The following SORL1 variants were observed in gnomAD, a reference collection of about 807,000 sequenced individuals.
SORL1 encodes the protein sortilin-related receptor.
A neutral mutation model predicts 273.7 loss-of-function variants in SORL1; 127 were observed. That is an observed-to-expected ratio of 0.46 (90% confidence interval 0.40 to 0.54). The LOEUF is 0.54. SORL1 is among the 20% of genes least tolerant of loss of function. SORL1 has a pLI of 0.00. For synonymous variants in SORL1, 1,031 were observed against 1,067.4 expected (o/e 0.97, Z 0.66); for missense variants, 2,494 against 2,846.1 (o/e 0.88, Z 2.81).
At chr11:121,523,812 C>T (rs764513798) in intron 11 of SORL1, among the ~76,000 whole-genome samples, 3 of 152,138 alleles carry the variant, frequency 2.0e-5, no homozygotes, top group South Asian at 2.1e-4. Flanking sequence ...CGGAACAGCA[C>T]GTCGGGAGTG....
Position 121,618,979 on chromosome 11 carries a change from T to A in SORL1, c.5724+86T>A. On this transcript the variant is annotated intron_variant, in intron 42 of 47. Transcript: ENST00000260197. ...CAACCCAGGACCTGGGGAGCTTGCATACCTGGACTCCAGGATTGATGTGTG... is the reference window on the plus strand; with the variant it reads ...CAACCCAGGACCTGGGGAGCTTGCAAACCTGGACTCCAGGATTGATGTGTG... 5.7e-6 allele frequency: 8 copies of A among 1,408,272 alleles called. No homozygotes were observed. In the Middle Eastern group the frequency reaches 1.4e-3, roughly 254 times the overall value. 87.2% of individuals were successfully genotyped at this position (1,408,272 alleles called of 1,614,324 possible). A position where few individuals can be genotyped will look rare whatever the true frequency, so the allele number is the denominator to read the frequency against.
rs752563625 is a variant in SORL1 at position 121,622,185 on chromosome 11, T to A, written c.6088T>A (p.Leu2030Ile). The A allele has an allele frequency of 6.2e-7, 1 of 1,610,906 alleles. No individual in the cohort carries two copies. The highest frequency in any genetic ancestry group is 2.2e-5 in the East Asian group (1 of 44,844). ...AGTTTCATTATCAGCACCTGATGCCTTAAAAATCATAACAGAAAATGATCA... is the reference window on the plus strand; with the variant it reads ...AGTTTCATTATCAGCACCTGATGCCATAAAAATCATAACAGAAAATGATCA... ...TTVSLSAPDA[L>I]KIITENDHVL... Residue 2030 changes from leucine to isoleucine, a missense_variant, in exon 45 of 48, where the codon TTA (leucine) becomes ATA (isoleucine). By Grantham distance (5) the Leu-to-Ile change is conservative. Around this residue, in one of 3 missense-constraint regions of SORL1, gnomAD observed 1,609 missense variants for 1,816.4 expected, o/e 0.89. Coordinates refer to ENST00000260197, the MANE Select transcript of SORL1 (RefSeq NM_003105.6).
At chr11:121,455,883 C>T (rs970348081) in intron 1 of SORL1, among the ~76,000 whole-genome samples, 6 of 151,910 alleles carry the variant, frequency 3.9e-5, no homozygotes, top group Non-Finnish European at 8.8e-5. Flanking sequence ...GTCCTGGCTA[C>T]TCAAGAGGCT....
At position 121,607,203 on chromosome 11, in the gene SORL1, T is replaced by C; in HGVS notation, c.5079T>C (p.Ser1693=). 2 of 1,608,348 alleles carry C rather than the reference T, an allele frequency of 1.2e-6. No individual in the cohort carries two copies. The highest frequency in any genetic ancestry group is 1.7e-6 in the Non-Finnish European group (2 of 1,175,064). The stretch of plus-strand genomic sequence containing the variant: ...CCCTTTAGGTAGAATACAGCAGGAG[T>C]GGTTCCAAGATGTGGGCCTCCCAGA... The part of the protein sequence containing the change: ...IREYIVEYSR[S]GSKMWASQRA... The change falls in exon 37 of 48, where the codon AGT becomes AGC. Residue 1693 remains serine (S), a synonymous_variant. Coordinates refer to ENST00000260197, the MANE Select transcript of SORL1 (RefSeq NM_003105.6).
chr11:121,583,370 G>A, intron 25 of SORL1, 88 bp from the exon 26 acceptor site: 1 of 1,448,032 alleles, frequency 6.9e-7, no homozygotes. Context: ...CCTACCTCAT[G>A]CAAACCTCTT....
rs377047435 is a variant in SORL1 at position 121,570,140 on chromosome 11, C to T, written c.3224-17C>T. 2.1e-5 allele frequency: 33 copies of T among 1,562,264 alleles called. No individual in the cohort carries two copies. The highest frequency in any genetic ancestry group is 1.7e-4 in the Middle Eastern group (1 of 5,992). ...ATATTGGTTTCATTTCCTCCCCTGCCGCACTCTGATGGGTAGAGAACACCT... is the reference window on the plus strand; with the variant it reads ...ATATTGGTTTCATTTCCTCCCCTGCTGCACTCTGATGGGTAGAGAACACCT... On this transcript the variant is annotated splice_polypyrimidine_tract_variant and intron_variant, in intron 22 of 47. Transcript: ENST00000260197.
chr11:121,470,273 A>G, intron 2 of SORL1, 150 bp downstream of exon 2: 1 of 709,870 alleles, frequency 1.4e-6, no homozygotes, highest in South Asian at 1.6e-5. Context: ...AGAAAATGAT[A>G]TATCCCTTGT....
chr11:121,459,607 A>G (rs1450720795), intron 1 of SORL1, among the ~76,000 whole-genome samples: 1 of 152,162 alleles, frequency 6.6e-6, no homozygotes, highest in African/African-American at 2.4e-5. Flanking sequence ...GGTGAACCAG[A>G]TCTCTGTGGC....
Position 121,529,166 on chromosome 11 carries a change from T to C in SORL1, c.1597-3298T>C, listed in dbSNP as rs534499856. Among the ~76,000 whole-genome samples the C allele has an allele frequency of 1.6e-4, 24 of 152,314 alleles. No individual in the cohort carries two copies. In the South Asian group the frequency reaches 5.0e-3, roughly 32 times the overall value. On this transcript the variant is annotated intron_variant, in intron 11 of 47. Coordinates refer to ENST00000260197, the MANE Select transcript of SORL1 (RefSeq NM_003105.6). ...GTAATGCCATGTGTCTTAAAATCTATTTTATCTGATATTAAAATAGTTACT... is the reference window on the plus strand; with the variant it reads ...GTAATGCCATGTGTCTTAAAATCTACTTTATCTGATATTAAAATAGTTACT...
intron 21 of SORL1, among the ~76,000 whole-genome samples, chr11:121,562,135 CCA>C (rs769398899): frequency 2.6e-5 from 4 of 152,106 alleles, no homozygotes; most frequent in Admixed American, 6.5e-5. Context: ...TGCTAAAAAT[CCA>C]CTCTGCTAGC....
At position 121,607,182 on chromosome 11, in the gene SORL1, T is replaced by C. The variant is rs1863490527; in HGVS notation, c.5062-4T>C. On this transcript the variant is annotated splice_polypyrimidine_tract_variant and splice_region_variant and intron_variant, in intron 36 of 47. Transcript: ENST00000260197. ...TACTCACATTTTTTTTCTTCTCCCT[T>C]TAGGTAGAATACAGCAGGAGTGGTT... 6.4e-7 allele frequency: 1 copy of C among 1,573,422 alleles called. No homozygotes were observed. Among genetic ancestry groups the C allele is most frequent in the African/African-American group, 1.3e-5 (1 of 74,114 alleles).
rs1409459892 is a variant in SORL1 at position 121,627,773 on chromosome 11, T to TG, written c.6577+10dup. 2 of 1,609,222 alleles carry TG rather than the reference T, an allele frequency of 1.2e-6. No individual in the cohort carries two copies. Among genetic ancestry groups the TG allele is most frequent in the African/African-American group, 1.3e-5 (1 of 74,824 alleles). On this transcript the variant is annotated splice_region_variant and intron_variant, in intron 47 of 47. Transcript: ENST00000260197. This position sits in a 1 kb window ranked among gnomAD's most constrained non-coding sequence, Gnocchi z 4.9. Reference sequence around the variant, plus strand: ...CTCCTCTGGGGATGACCTGGGTAAGTGGGGCAGGGAGAGTCGGTTCTTCCT... The same window carrying TG: ...CTCCTCTGGGGATGACCTGGGTAAGTGGGGGCAGGGAGAGTCGGTTCTTCCT...
At chr11:121,620,033 A>G in intron 43 of SORL1, 116 bp downstream of exon 43, 1 of 800,764 alleles carries the variant, frequency 1.2e-6, no homozygotes, top group Admixed American at 2.2e-5. Flanking sequence ...TCTGGCGCTC[A>G]GCAGGAGGTC....
chr11:121,471,303 C>T (rs1164710066), intron 2 of SORL1, among the ~76,000 whole-genome samples: 1 of 152,186 alleles, frequency 6.6e-6, no homozygotes, highest in Non-Finnish European at 1.5e-5. Flanking sequence ...CAGAGGAACC[C>T]AGAGGTCTGG....
At chr11:121,457,754 T>C (rs1009826332) in intron 1 of SORL1, among the ~76,000 whole-genome samples, 109 of 152,368 alleles carry the variant, frequency 7.2e-4, no homozygotes, top group African/African-American at 2.5e-3. Context: ...CCTTGAGATG[T>C]GGAGTCCAGG....
chr11:121,607,370 A>C (rs1470697667), intron 37 of SORL1, 80 bp downstream of exon 37: 2 of 775,342 alleles, frequency 2.6e-6, no homozygotes, highest in Admixed American at 3.9e-5. Context: ...AGAACTCTCT[A>C]CTCACCTTTG....
chr11:121,618,285 C>G (rs1863668305), intron 41 of SORL1, among the ~76,000 whole-genome samples: 1 of 152,204 alleles, frequency 6.6e-6, no homozygotes, highest in South Asian at 2.1e-4. Context: ...CCAGCCGTGT[C>G]TGCTCTCCTT....
intron 12 of SORL1, among the ~76,000 whole-genome samples, chr11:121,541,608 C>T (rs568751688): frequency 2.0e-5 from 3 of 152,218 alleles, no homozygotes; most frequent in African/African-American, 7.2e-5. Context: ...AGGTGTAAAA[C>T]TAAAATCTCA....
At chr11:121,556,786 G>A (rs2134906240) in intron 18 of SORL1, among the ~76,000 whole-genome samples, 1 of 152,290 alleles carries the variant, frequency 6.6e-6, no homozygotes, top group East Asian at 1.9e-4. Flanking sequence ...GCCCAGGATG[G>A]GATGTGGCAA....
Sources: gnomAD v4.1 joint callset for allele counts (sites outside exome capture counted in the v4.1 genomes callset) on GRCh38, gnomAD v4.1.1 for gene constraint, gnomAD v4.1.1 regional missense constraint, Gnocchi (gnomAD v3.1) non-coding constraint, MANE v1.5 for transcripts, NCBI Gene and HGNC (gene_info 2026-07-23, HGNC 2026-07-21) for gene names.